The following TMEM268 variants were observed in gnomAD, a reference collection of about 807,000 sequenced individuals.
TMEM268 encodes the protein transmembrane protein C9orf91.
TMEM268 carries 24 observed loss-of-function variants against 39.1 expected under a neutral mutation model. That is an observed-to-expected ratio of 0.61 (90% CI 0.44 to 0.86). The LOEUF is 0.86. Among genes scored for constraint, TMEM268 ranks in the 40% least tolerant of loss-of-function variants. The pLI, the probability that TMEM268 is intolerant of heterozygous loss-of-function variation, is 0.00. For missense variants in TMEM268, 409 were observed against 428.6 expected, an observed-to-expected ratio of 0.95 and a Z score of 0.40; for synonymous variants, 176 against 173.5, an observed-to-expected ratio of 1.01 and a Z score of -0.12.
At position 114,635,215 on chromosome 9, in the gene TMEM268, C is replaced by T. The variant is rs183762991; in HGVS notation, c.585+1337C>T. Among the ~76,000 whole-genome samples the T allele has an allele frequency of 4.6e-5, 7 of 151,992 alleles. 1 individual carries two copies. The highest frequency in any genetic ancestry group is 1.3e-4 in the Admixed American group (2 of 15,250). On this transcript the variant is annotated intron_variant, in intron 6 of 8. Transcript: ENST00000288502. ...AAAATTAGCAGGGCGTGGCAGTGTG[C>T]GCCTGTAGTCCCAGCTACTTGGGAG...
At chr9:114,626,864 C>T (rs769423690) in intron 3 of TMEM268, 35 bp from the exon 4 acceptor site, 43 of 1,504,102 alleles carry the variant, frequency 2.9e-5, no homozygotes, top group South Asian at 1.7e-4. Flanking sequence ...GGCTGTCCTG[C>T]GGCTGATTGA....
upstream of TMEM268, among the ~76,000 whole-genome samples, chr9:114,609,838 A>G (rs954574057): frequency 1.8e-5 from 2 of 111,682 alleles, no homozygotes; most frequent in Admixed American, 1.9e-4. Context: ...GAAAGAGAGA[A>G]AGAAAGAAAG....
intron 8 of TMEM268, among the ~76,000 whole-genome samples, chr9:114,640,010 A>G (rs1160592572): frequency 2.0e-5 from 3 of 151,152 alleles, no homozygotes; most frequent in African/African-American, 7.3e-5. Flanking sequence ...TCATCCTCCC[A>G]AAGTGTTAGG....
chr9:114,631,296 A>T (rs1443256806), intron 5 of TMEM268, among the ~76,000 whole-genome samples: 1 of 80,864 alleles, frequency 1.2e-5, no homozygotes, highest in Non-Finnish European at 2.9e-5. Flanking sequence ...AAAAAAAAAA[A>T]AAAAAAAAAA....
At chr9:114,609,734 G>GAAAAA (rs1564279418), upstream of TMEM268, among the ~76,000 whole-genome samples, 1,656 of 66,842 alleles carry the variant, frequency 0.025, 21 homozygotes, top group Admixed American at 0.04. Flanking sequence ...AGAAAAAGAA[G>GAAAAA]GAAGGAAGGA....
At chr9:114,626,863 G>A (rs747876890) in intron 3 of TMEM268, 36 bp from the exon 4 acceptor site, 3 of 1,507,572 alleles carry the variant, frequency 2.0e-6, no homozygotes, top group African/African-American at 2.7e-5. Flanking sequence ...TGGCTGTCCT[G>A]CGGCTGATTG....
chr9:114,638,708 T>G lies in TMEM268; in HGVS notation c.831T>G (p.Val277=). The G allele has an allele frequency of 1.3e-6, 2 of 1,589,584 alleles. 1 individual carries two copies. Among genetic ancestry groups the G allele is most frequent in the Non-Finnish European group, 1.7e-6 (2 of 1,168,470 alleles). ...TGCAGACTGAGCTTCATCAGCTTGTTCCTGAGGCTGAGCCGGAGGTAACAG... is the reference window on the plus strand; with the variant it reads ...TGCAGACTGAGCTTCATCAGCTTGTGCCTGAGGCTGAGCCGGAGGTAACAG... ...PLMQTELHQL[V]PEAEPEEMAR... The change falls in exon 8 of 9, where the codon GTT becomes GTG. Residue 277 remains valine, a synonymous_variant. Transcript: ENST00000288502.
At chr9:114,635,395 A>G (rs1289087112) in intron 6 of TMEM268, among the ~76,000 whole-genome samples, 1 of 150,686 alleles carries the variant, frequency 6.6e-6, no homozygotes, top group East Asian at 2.0e-4. Flanking sequence ...GAGACACATC[A>G]GGTGGGCTCA....
intron 2 of TMEM268, among the ~76,000 whole-genome samples, chr9:114,617,516 A>G (rs1845775800): frequency 6.6e-6 from 1 of 151,932 alleles, no homozygotes. Context: ...TCTCTTTTCC[A>G]TTTATTCTTT....
chr9:114,628,542 C>A (rs914529846), intron 5 of TMEM268, among the ~76,000 whole-genome samples: 1 of 152,142 alleles, frequency 6.6e-6, no homozygotes, highest in African/African-American at 2.4e-5. Context: ...TGAGCCCTCT[C>A]ATGCACTTCC....
Position 114,617,218 on chromosome 9 carries a change from A to C in TMEM268, c.23A>C (p.Asp8Ala), listed in dbSNP as rs1045877244. Residue 8 changes from aspartate to alanine, a missense_variant, in exon 2 of 9, where the codon GAC becomes GCC. Physicochemically the swap from Asp to Ala is moderately radical, Grantham distance 126 (BLOSUM62 -2). Coordinates refer to ENST00000288502, the MANE Select transcript of TMEM268 (RefSeq NM_153045.4). MACEPQV[D>A]PGATGPLPPS... is the part of the protein sequence containing the mutation. ...GCCATGGCCTGTGAACCACAGGTGG[A>C]CCCGGGGGCCACTGGCCCATTGCCC... is the stretch of plus-strand genomic sequence containing the variant. The C allele has an allele frequency of 7.0e-5, 113 of 1,609,702 alleles. No homozygotes were observed. The highest frequency in any genetic ancestry group is 9.3e-5 in the Non-Finnish European group (110 of 1,178,282).
intron 1 of TMEM268, among the ~76,000 whole-genome samples, chr9:114,616,020 T>TTC (rs1336140383): frequency 6.8e-6 from 1 of 146,464 alleles, no homozygotes; most frequent in Admixed American, 6.7e-5. Context: ...TTCTTTTCTT[T>TTC]TTTTTTTTTT....
chr9:114,636,222 T>C (rs1382144928), intron 6 of TMEM268, among the ~76,000 whole-genome samples: 1 of 151,874 alleles, frequency 6.6e-6, no homozygotes, highest in Non-Finnish European at 1.5e-5. Flanking sequence ...GCCCCTGGGG[T>C]GGAAGGGGAG....
At chr9:114,624,585 G>A (rs1846082285) in intron 3 of TMEM268, 126 bp downstream of exon 3, 2 of 1,402,544 alleles carry the variant, frequency 1.4e-6, no homozygotes, top group Non-Finnish European at 1.9e-6. Flanking sequence ...GGGTATATAA[G>A]GAAGGTATAT....
At chr9:114,636,441 G>A (rs911136833) in intron 6 of TMEM268, among the ~76,000 whole-genome samples, 6 of 151,948 alleles carry the variant, frequency 3.9e-5, no homozygotes, top group Non-Finnish European at 5.9e-5. Flanking sequence ...ATGCTCAGCA[G>A]CTTGTGGGAA....
intron 2 of TMEM268, chr9:114,622,127 G>A: frequency 1.0e-6 from 1 of 985,402 alleles, no homozygotes. Context: ...TACATTGGGG[G>A]AGCAGGGAGA....
At chr9:114,623,452 G>T (rs906676475) in intron 2 of TMEM268, among the ~76,000 whole-genome samples, 1 of 152,198 alleles carries the variant, frequency 6.6e-6, no homozygotes, top group African/African-American at 2.4e-5. Flanking sequence ...AGCTGGATTT[G>T]TTATTTCATA....
chr9:114,613,668 C>T (rs933878480), intron 1 of TMEM268, among the ~76,000 whole-genome samples: 2 of 152,222 alleles, frequency 1.3e-5, no homozygotes, highest in South Asian at 2.1e-4. Context: ...CTGCCATCCC[C>T]AGAGTAGCAT....
intron 7 of TMEM268, among the ~76,000 whole-genome samples, chr9:114,637,282 T>TTTC (rs1396284760): frequency 8.3e-6 from 1 of 120,434 alleles, no homozygotes; most frequent in African/African-American, 3.4e-5. Flanking sequence ...TGAGCATATA[T>TTTC]TTCTTCTTTT....
Sources: gnomAD v4.1 joint callset for allele counts (sites outside exome capture counted in the v4.1 genomes callset) on GRCh38, gnomAD v4.1.1 for gene constraint, MANE v1.5 for transcripts, NCBI Gene and HGNC (gene_info 2026-07-23, HGNC 2026-07-21) for gene names.